The following CSRNP3 variants were observed in gnomAD, a reference collection of about 807,000 sequenced individuals.
CSRNP3 encodes cysteine and serine rich nuclear protein 3.
A neutral mutation model predicts 48.0 loss-of-function variants in CSRNP3; 12 were observed. The observed-to-expected ratio is 0.25, with a 90% CI of 0.16 to 0.41. The LOEUF is 0.41. CSRNP3 is among the 10% of genes least tolerant of loss of function. The pLI is 1.00. For synonymous variants in CSRNP3, 263 were observed against 269.7 expected (o/e 0.98, Z 0.24); for missense variants, 580 against 724.4 (o/e 0.80, Z 2.29).
At chr2:165,574,146 G>A (rs1401854861) in intron 3 of CSRNP3, 3 of 486,666 alleles carry the variant, frequency 6.2e-6, no homozygotes, top group Non-Finnish European at 1.1e-5. Flanking sequence ...TGGCAGAACC[G>A]CAGTTCCACA....
intron 2 of CSRNP3, among the ~76,000 whole-genome samples, chr2:165,508,908 A>ATT (rs1684463826): frequency 6.6e-6 from 1 of 152,190 alleles, no homozygotes; most frequent in African/African-American, 2.4e-5. Context: ...AAAAGGCTAT[A>ATT]ATATATATTC....
intron 5 of CSRNP3, among the ~76,000 whole-genome samples, chr2:165,662,164 A>AGATGTTATTTTGAAAACAAAAT (rs1687108620): frequency 6.6e-6 from 1 of 152,250 alleles, no homozygotes; most frequent in African/African-American, 2.4e-5. Flanking sequence ...AACAAAATAA[A>AGATGTTATTTTGAAAACAAAAT]GATGTTATTT....
Position 165,687,390 on chromosome 2 carries a change from C to T in CSRNP3, c.*7637C>T, listed in dbSNP as rs967251670. ...TCAGGAAAAGTGACTGTTTCAGATC[C>T]CCAGTACAAACATCAGAACTAGGAT... On this transcript the variant is annotated 3_prime_UTR_variant, in exon 7 of 7. Transcript: ENST00000651982. 4.6e-5 allele frequency: 7 copies of T among 151,950 alleles called. No individual in the cohort carries two copies. The highest frequency in any genetic ancestry group is 1.7e-4 in the African/African-American group (7 of 41,382). 9.4% of individuals were successfully genotyped at this position (151,950 alleles called of 1,614,324 possible).
intron 3 of CSRNP3, among the ~76,000 whole-genome samples, chr2:165,545,667 C>T (rs1685014726): frequency 6.6e-6 from 1 of 152,036 alleles, no homozygotes; most frequent in Admixed American, 6.6e-5. Context: ...CTCTGTGTAC[C>T]TGGTGCCTAG....
chr2:165,679,006 T>C lies in CSRNP3; in HGVS notation c.1011T>C (p.Asp337=). 6.2e-7 allele frequency: 1 copy of C among 1,613,596 alleles called. No individual in the cohort carries two copies. The highest frequency in any genetic ancestry group is 8.5e-7 in the Non-Finnish European group (1 of 1,179,916). The change falls in exon 7 of 7, where the codon GAT becomes GAC. Residue 337 remains aspartate, a synonymous_variant. Transcript: ENST00000651982. The stretch of plus-strand genomic sequence containing the variant: ...ACCTGCAGTCGGCTGAAGAATTAGA[T>C]TGCCAAGGAGAGGAGGAGGAAGAAG... The part of the protein sequence containing the change: ...VLHLQSAEEL[D]CQGEEEEEEE...
Position 165,631,331 on chromosome 2 carries a change from G to A in CSRNP3, c.149-26430G>A, listed in dbSNP as rs189681442. 4.0e-4 allele frequency among the ~76,000 whole-genome samples: 61 copies of A among 152,302 alleles called. No individual in the cohort carries two copies. The East Asian group carries it at 5.2e-3, about 13-fold the overall frequency. ...GGGCAGCTTGATGTGCAGGCCATGA[G>A]TGTCCTCAACAGAGATGAGTGGTGC... On this transcript the variant is annotated intron_variant, in intron 4 of 6. Transcript: ENST00000651982.
intron 6 of CSRNP3, among the ~76,000 whole-genome samples, chr2:165,677,092 G>T (rs1687438691): frequency 6.6e-6 from 1 of 152,198 alleles, no homozygotes; most frequent in Non-Finnish European, 1.5e-5. Context: ...CCAACTATAT[G>T]AAATTGGCAA....
At chr2:165,642,039 G>A (rs1686729324) in intron 4 of CSRNP3, among the ~76,000 whole-genome samples, 2 of 150,856 alleles carry the variant, frequency 1.3e-5, no homozygotes, top group African/African-American at 4.9e-5. Context: ...ACAGATAAAA[G>A]ACAAACATAG....
chr2:165,518,388 A>G (rs1159910141), intron 3 of CSRNP3, among the ~76,000 whole-genome samples: 3 of 151,926 alleles, frequency 2.0e-5, no homozygotes, highest in Non-Finnish European at 4.4e-5. Flanking sequence ...AATTCCTTGA[A>G]TTCTATTTCC....
At chr2:165,476,645 G>T (rs1683965893) in intron 1 of CSRNP3, among the ~76,000 whole-genome samples, 1 of 152,240 alleles carries the variant, frequency 6.6e-6, no homozygotes, top group Admixed American at 6.5e-5. Context: ...TTTAGGTAGT[G>T]CAGGATAATC....
intron 5 of CSRNP3, among the ~76,000 whole-genome samples, chr2:165,668,800 A>C (rs931933408): frequency 5.9e-5 from 9 of 152,170 alleles, no homozygotes; most frequent in African/African-American, 2.2e-4. Context: ...GTGTACTGCC[A>C]CGTTGTCTTT....
intron 5 of CSRNP3, among the ~76,000 whole-genome samples, chr2:165,668,025 C>T (rs1687263994): frequency 6.6e-6 from 1 of 152,150 alleles, no homozygotes; most frequent in Non-Finnish European, 1.5e-5. Flanking sequence ...TATCAAGGTG[C>T]AAAGGATACA....
intron 3 of CSRNP3, among the ~76,000 whole-genome samples, chr2:165,527,406 C>A (rs1049722019): frequency 6.6e-6 from 1 of 151,782 alleles, no homozygotes; most frequent in Non-Finnish European, 1.5e-5. Flanking sequence ...GGCGTTTCAC[C>A]ATGTTAGCCA....
chr2:165,544,408 A>G (rs1684996846), intron 3 of CSRNP3, among the ~76,000 whole-genome samples: 1 of 152,112 alleles, frequency 6.6e-6, no homozygotes, highest in African/African-American at 2.4e-5. Context: ...CTAATGAAAG[A>G]CTAATTATTA....
chr2:165,474,578 A>C (rs1042481605), intron 1 of CSRNP3, among the ~76,000 whole-genome samples: 5 of 152,160 alleles, frequency 3.3e-5, no homozygotes, highest in African/African-American at 1.2e-4. Flanking sequence ...CATTTTACCT[A>C]TGACAAAATT....
chr2:165,489,610 G>A (rs1276462906), intron 1 of CSRNP3, among the ~76,000 whole-genome samples: 1 of 118,272 alleles, frequency 8.5e-6, no homozygotes, highest in African/African-American at 3.4e-5. Flanking sequence ...TGATCAAGTG[G>A]GCTTCATCCC....
chr2:165,639,592 A>G (rs1305908636), intron 4 of CSRNP3, among the ~76,000 whole-genome samples: 2 of 152,240 alleles, frequency 1.3e-5, no homozygotes, highest in Non-Finnish European at 2.9e-5. Flanking sequence ...AAATATACAC[A>G]GGAGTTGCCA....
chr2:165,673,969 C>T (rs937362756), intron 5 of CSRNP3, among the ~76,000 whole-genome samples: 6 of 151,780 alleles, frequency 4.0e-5, no homozygotes, highest in African/African-American at 7.3e-5. Flanking sequence ...TGCAGCTAGC[C>T]GAGATTGTGC....
chr2:165,490,260 C>T (rs1684184878), intron 1 of CSRNP3, among the ~76,000 whole-genome samples: 1 of 150,682 alleles, frequency 6.6e-6, no homozygotes. Flanking sequence ...AGGACCTCTT[C>T]AAGGAGAACT....
Sources: allele counts gnomAD v4.1 joint callset (sites outside exome capture counted in the v4.1 genomes callset), GRCh38; gene constraint gnomAD v4.1.1; transcripts MANE v1.5; gene names NCBI Gene and HGNC (gene_info 2026-07-23, HGNC 2026-07-21).